Variants in GALNTL6 observed in about 807,000 individuals in gnomAD.
GALNTL6 encodes polypeptide N-acetylgalactosaminyltransferase like 6, also known as polypeptide N-acetylgalactosaminyltransferase-like 6.
Under a neutral mutation model 73.7 loss-of-function variants are expected in GALNTL6, and 46 were observed. That is an observed-to-expected ratio of 0.62 (90% CI 0.49 to 0.80). GALNTL6 has a LOEUF of 0.80. GALNTL6 is among the 30% of genes least tolerant of loss of function. The probability of loss-of-function intolerance (pLI) is 0.00; values close to 1 mark genes in which losing one functional copy is unlikely to be tolerated. For missense variants in GALNTL6, 604 were observed against 755.0 expected (o/e 0.80, Z 2.34); for synonymous variants, 259 against 263.7 (o/e 0.98, Z 0.17).
Position 172,467,806 on chromosome 4 carries a change from TTTTCTTTCTTTCTTTCTTTC to T in GALNTL6, c.553+119158_553+119177del, listed in dbSNP as rs57581185. On this transcript the variant is annotated intron_variant, in intron 5 of 12. Coordinates refer to ENST00000506823, the MANE Select transcript of GALNTL6 (RefSeq NM_001034845.3). ...TGTTGAGAGATAAAAGCATTTTACA[TTTTCTTTCTTTCTTTCTTTC>T]TTTCTTTCTTTCTTTCTTTCTTTCT... is the stretch of plus-strand genomic sequence containing the variant. Among the ~76,000 whole-genome samples the T allele has an allele frequency of 4.6e-3, 558 of 121,844 alleles. 5 individuals are homozygous for T. Among genetic ancestry groups the T allele is most frequent in the Non-Finnish European group, 6.4e-3 (381 of 59,502 alleles). 79.9% of individuals were successfully genotyped at this position (121,844 alleles called of 152,430 possible).
At chr4:172,698,173 G>A (rs1232122886) in intron 5 of GALNTL6, among the ~76,000 whole-genome samples, 3 of 151,974 alleles carry the variant, frequency 2.0e-5, no homozygotes, top group African/African-American at 7.3e-5. Context: ...TTTGGGAGGA[G>A]TTTTTATTTT....
chr4:172,997,158 C>G (rs948422278), intron 10 of GALNTL6, among the ~76,000 whole-genome samples: 13 of 152,318 alleles, frequency 8.5e-5, no homozygotes, highest in African/African-American at 2.9e-4. Flanking sequence ...CAAGGACTCA[C>G]AGCCTTCTTT....
intron 2 of GALNTL6, among the ~76,000 whole-genome samples, chr4:171,969,048 G>A (rs1358806891): frequency 1.3e-5 from 2 of 152,008 alleles, no homozygotes; most frequent in African/African-American, 4.8e-5. Flanking sequence ...TGTTGGTCAG[G>A]CTGGTCTCGA....
intron 5 of GALNTL6, among the ~76,000 whole-genome samples, chr4:172,729,465 T>C (rs557380429): frequency 2.8e-4 from 42 of 152,298 alleles, no homozygotes; most frequent in African/African-American, 9.9e-4. Flanking sequence ...TACCCAGTTT[T>C]CCCAGCACCA....
At chr4:171,915,910 T>C (rs1220435563) in intron 2 of GALNTL6, among the ~76,000 whole-genome samples, 3 of 152,090 alleles carry the variant, frequency 2.0e-5, no homozygotes, top group African/African-American at 7.2e-5. Context: ...CGAAACCCAA[T>C]GTTTATATTG....
At position 172,354,062 on chromosome 4, in the gene GALNTL6, C is replaced by T. The variant is rs1408605759; in HGVS notation, c.553+5373C>T. Among the ~76,000 whole-genome samples the T allele has an allele frequency of 2.6e-5, 4 of 151,978 alleles. No individual in the cohort carries two copies. In the East Asian group the frequency reaches 5.8e-4, roughly 22 times the overall value. On this transcript the variant is annotated intron_variant, in intron 5 of 12. Coordinates refer to ENST00000506823, the MANE Select transcript of GALNTL6 (RefSeq NM_001034845.3). The stretch of plus-strand genomic sequence containing the variant: ...GTAAAACCGAAGAAGAATGGTAGTG[C>T]CTTTTTATTTTATATTATACAATAC...
In GALNTL6 at chr4:172,917,153, T is replaced by G. The variant is rs973351209; in HGVS notation, c.1042-14008T>G. ...ACAAAAACAAGAAACGGGGAAAGGA[T>G]TCCCTATTTAATAAATGGTGCTGGG... On this transcript the variant is annotated intron_variant, in intron 8 of 12. Coordinates refer to ENST00000506823, the MANE Select transcript of GALNTL6 (RefSeq NM_001034845.3). Among the ~76,000 whole-genome samples the G allele has an allele frequency of 4.6e-5, 7 of 152,312 alleles. 1 individual carries two copies. The highest frequency in any genetic ancestry group is 8.8e-5 in the Non-Finnish European group (6 of 68,024).
At chr4:172,322,472 C>G (rs148763782) in intron 4 of GALNTL6, among the ~76,000 whole-genome samples, 1 of 152,200 alleles carries the variant, frequency 6.6e-6, no homozygotes, top group East Asian at 1.9e-4. Flanking sequence ...ACTCACATTA[C>G]TATAAGGAAC....
At chr4:171,909,363 C>T (rs1323924339) in intron 2 of GALNTL6, among the ~76,000 whole-genome samples, 1 of 152,048 alleles carries the variant, frequency 6.6e-6, no homozygotes, top group Admixed American at 6.6e-5. Flanking sequence ...AAGAGAGAAA[C>T]TCAGCAGTAT....
At chr4:171,825,838 G>T (rs1256700654) in intron 2 of GALNTL6, among the ~76,000 whole-genome samples, 3 of 152,082 alleles carry the variant, frequency 2.0e-5, no homozygotes. Context: ...CTTTTGCTTC[G>T]TAAAAAACAT....
chr4:172,306,689 C>T (rs1740149471), intron 3 of GALNTL6, among the ~76,000 whole-genome samples: 1 of 152,166 alleles, frequency 6.6e-6, no homozygotes, highest in African/African-American at 2.4e-5. Flanking sequence ...TCATAGCTCC[C>T]ACTTACAAGT....
intron 5 of GALNTL6, among the ~76,000 whole-genome samples, chr4:172,429,484 A>G (rs944258691): frequency 6.6e-6 from 1 of 152,178 alleles, no homozygotes; most frequent in Non-Finnish European, 1.5e-5. Context: ...TGCTGGGATT[A>G]CAAGCCTAAC....
At chr4:172,988,311 A>T (rs1751387231) in intron 10 of GALNTL6, among the ~76,000 whole-genome samples, 1 of 152,176 alleles carries the variant, frequency 6.6e-6, no homozygotes, top group Non-Finnish European at 1.5e-5. Context: ...TGCTCTAGGG[A>T]TCTGTGGAAC....
At chr4:171,982,317 A>T (rs1579029227) in intron 2 of GALNTL6, among the ~76,000 whole-genome samples, 3 of 152,084 alleles carry the variant, frequency 2.0e-5, no homozygotes, top group East Asian at 3.9e-4. Context: ...TTTGTTTTTG[A>T]TACGGAGTCT....
At chr4:172,022,566 T>C (rs918452265) in intron 2 of GALNTL6, among the ~76,000 whole-genome samples, 2 of 152,048 alleles carry the variant, frequency 1.3e-5, no homozygotes, top group African/African-American at 4.8e-5. Flanking sequence ...CTTTAATCTC[T>C]GGTGCCTGGT....
intron 4 of GALNTL6, among the ~76,000 whole-genome samples, chr4:172,318,320 A>C (rs1477610881): frequency 6.6e-6 from 1 of 152,212 alleles, no homozygotes; most frequent in African/African-American, 2.4e-5. Context: ...CTAGTGAAAC[A>C]AAAATCTTCC....
chr4:172,644,335 A>G (rs929703915), intron 5 of GALNTL6, among the ~76,000 whole-genome samples: 3 of 151,988 alleles, frequency 2.0e-5, no homozygotes, highest in African/African-American at 4.8e-5. Context: ...ACACAAACCT[A>G]TGGTAACCAC....
At chr4:172,969,765 C>T (rs954209352) in intron 10 of GALNTL6, among the ~76,000 whole-genome samples, 8 of 152,132 alleles carry the variant, frequency 5.3e-5, no homozygotes, top group Non-Finnish European at 1.0e-4. Flanking sequence ...GAAACGTAAT[C>T]GTCAATGCAA....
At chr4:172,217,260 C>G (rs925586197) in intron 2 of GALNTL6, among the ~76,000 whole-genome samples, 1 of 152,140 alleles carries the variant, frequency 6.6e-6, no homozygotes, top group Non-Finnish European at 1.5e-5. Context: ...CTTTGCAAGG[C>G]CGTTTCAAAA....
Sources: gnomAD v4.1 joint callset for allele counts (sites outside exome capture counted in the v4.1 genomes callset) on GRCh38, gnomAD v4.1.1 for gene constraint, MANE v1.5 for transcripts, NCBI Gene and HGNC (gene_info 2026-07-23, HGNC 2026-07-21) for gene names.